BIRC6: variants seen among roughly 807,000 people sequenced by gnomAD.
BIRC6 encodes baculoviral IAP repeat containing 6, also known as dual E2 ubiquitin-conjugating enzyme/E3 ubiquitin-protein ligase BIRC6.
BIRC6 carries 98 observed loss-of-function variants against 503.3 expected under a neutral mutation model. The ratio of observed to expected loss-of-function variants is 0.19; its 90% CI spans 0.17 to 0.23. The LOEUF (loss-of-function observed/expected upper bound fraction) is 0.23. Ranked by LOEUF, BIRC6 falls within the 10% of genes least tolerant of loss-of-function variation. The pLI is 1.00. For synonymous variants in BIRC6, 2,240 were observed against 2,078.7 expected (o/e 1.08, Z -2.11); for missense variants, 5,360 against 5,806.0 (o/e 0.92, Z 2.50).
At chr2:32,369,938 AAAAAAAAAT>A (rs1360413689) in intron 1 of BIRC6, among the ~76,000 whole-genome samples, 2 of 54,058 alleles carry the variant, frequency 3.7e-5, no homozygotes, top group African/African-American at 9.9e-5. Context: ...AAAAAAAAAA[AAAAAAAAAT>A]ATATATATAT....
At position 32,468,075 on chromosome 2, in the gene BIRC6, C is replaced by T. The variant is rs767537921; in HGVS notation, c.5744C>T (p.Ala1915Val). Residue 1915 changes from alanine to valine, a missense_variant, in exon 28 of 74, where the codon GCA becomes GTA. This residue lies in a region of BIRC6 where 2,299 missense variants were observed against 2,267.2 expected (regional missense o/e 1.01). Coordinates refer to ENST00000421745, the MANE Select transcript of BIRC6 (RefSeq NM_016252.4). ...ANQPEIDQHL[A>V]MMVALQEDIQ... ...CAGCCAGAAATTGACCAGCATTTAG[C>T]AATGATGGTTGCTTTGCAGGAGGAT... 6.2e-7 allele frequency: 1 copy of T among 1,613,866 alleles called. No individual in the cohort carries two copies. Among genetic ancestry groups the T allele is most frequent in the South Asian group, 1.1e-5 (1 of 91,058 alleles).
intron 61 of BIRC6, among the ~76,000 whole-genome samples, chr2:32,535,439 G>A (rs141507803): frequency 3.7e-4 from 56 of 152,204 alleles, no homozygotes; most frequent in African/African-American, 1.3e-3. Context: ...GTCTCCTAAT[G>A]CTATCCGTCT....
At chr2:32,530,063 T>A (rs898520073) in intron 60 of BIRC6, among the ~76,000 whole-genome samples, 1 of 152,190 alleles carries the variant, frequency 6.6e-6, no homozygotes, top group Non-Finnish European at 1.5e-5. Context: ...CTGATATTTC[T>A]GTGAGAGCTA....
chr2:32,436,355 A>G (rs1453192829), intron 15 of BIRC6, among the ~76,000 whole-genome samples, 171 bp downstream of exon 15: 1 of 152,160 alleles, frequency 6.6e-6, no homozygotes, highest in East Asian at 1.9e-4. Flanking sequence ...AACTAACTGT[A>G]TGGTTATCTG....
intron 3 of BIRC6, among the ~76,000 whole-genome samples, chr2:32,386,912 C>T (rs77852047): frequency 0.034 from 5,115 of 152,052 alleles, 200 homozygotes; most frequent in African/African-American, 0.098. Flanking sequence ...TTTTCAGTTG[C>T]CTGTTTTATA....
At chr2:32,617,703 T>TTAG (rs1432599528) in intron 73 of BIRC6, 22 bp from the exon 74 acceptor site, 1 of 1,608,132 alleles carries the variant, frequency 6.2e-7, no homozygotes, top group East Asian at 2.2e-5. Context: ...AGTTCTAACA[T>TTAG]TAGTCCTTTT....
Position 32,485,758 on chromosome 2 carries a change from A to C in BIRC6, c.7812A>C (p.Thr2604=), listed in dbSNP as rs562860018. 15 of 1,576,730 alleles carry C rather than the reference A, an allele frequency of 9.5e-6. 1 individual carries two copies. Among genetic ancestry groups the C allele is most frequent in the African/African-American group, 8.1e-5 (6 of 74,252 alleles). ...ILQALTNTSP[T]LSQSPTGTDD... The stretch of plus-strand genomic sequence containing the variant: ...AGGCATTAACAAATACATCTCCTAC[A>C]TGTAAGTAAAATGACCATTTTTAGA... Residue 2604 remains threonine (T), a splice_region_variant and synonymous_variant, in exon 40 of 74, where the codon ACA becomes ACC. Coordinates refer to ENST00000421745, the MANE Select transcript of BIRC6 (RefSeq NM_016252.4).
chr2:32,543,219 C>A (rs80085571), intron 61 of BIRC6, 22 bp from the exon 62 acceptor site: 37,682 of 1,606,692 alleles, frequency 0.023, 622 homozygotes, highest in African/African-American at 0.075. Flanking sequence ...ATGGCCAAGC[C>A]AACACTTTTC....
chr2:32,462,025 T>C (rs750592454), intron 23 of BIRC6, among the ~76,000 whole-genome samples: 49 of 152,072 alleles, frequency 3.2e-4, no homozygotes, highest in Non-Finnish European at 6.2e-4. Flanking sequence ...CTCTGAGCCT[T>C]CTTTACTTAA....
chr2:32,482,148 A>G (rs1018027379), intron 38 of BIRC6, among the ~76,000 whole-genome samples: 4 of 152,162 alleles, frequency 2.6e-5, no homozygotes, highest in Non-Finnish European at 5.9e-5. Flanking sequence ...ATCACCTGTA[A>G]TAATTTATGG....
intron 20 of BIRC6, among the ~76,000 whole-genome samples, chr2:32,444,369 A>G (rs1423668186): frequency 6.6e-6 from 1 of 152,182 alleles, no homozygotes; most frequent in Admixed American, 6.5e-5. Flanking sequence ...TACCCCCTAT[A>G]TATGTGCAAT....
chr2:32,462,093 A>G (rs2048059220), intron 23 of BIRC6, among the ~76,000 whole-genome samples: 1 of 152,114 alleles, frequency 6.6e-6, no homozygotes. Context: ...TGCCTGGGCC[A>G]TAAAGTTGCC....
At chr2:32,525,771 C>T (rs1264684678) in intron 59 of BIRC6, 143 bp downstream of exon 59, 8 of 753,772 alleles carry the variant, frequency 1.1e-5, no homozygotes, top group Non-Finnish European at 1.5e-5. Context: ...CATACAGTTC[C>T]TCCGAAGAGA....
Position 32,549,475 on chromosome 2 carries a change from G to A in BIRC6, c.13138G>A (p.Asp4380Asn). The stretch of plus-strand genomic sequence containing the variant: ...AGCCATGTCATCTTATCTACGAAAT[G>A]ATTCAGGTAAATAATCCCTGTAAAT... The part of the protein sequence containing the change: ...IPAMSSYLRN[D>N]SVLDMARHVP... The change falls in exon 65 of 74, where the codon GAT (aspartate) becomes AAT (asparagine). Residue 4380 changes from aspartate (D) to asparagine (N), a missense_variant. This residue lies in a region of BIRC6 where 477 missense variants were observed against 574.4 expected (regional missense o/e 0.83). Coordinates refer to ENST00000421745, the MANE Select transcript of BIRC6 (RefSeq NM_016252.4). 1 of 1,437,114 alleles carries A rather than the reference G, an allele frequency of 7.0e-7. No homozygotes were observed. Among genetic ancestry groups the A allele is most frequent in the Non-Finnish European group, 9.3e-7 (1 of 1,073,778 alleles). 89.0% of individuals were successfully genotyped at this position (1,437,114 alleles called of 1,614,324 possible). A position where few individuals can be genotyped will look rare whatever the true frequency, so the allele number is the denominator to read the frequency against.
At chr2:32,535,478 G>A (rs577809031) in intron 61 of BIRC6, among the ~76,000 whole-genome samples, 4 of 151,896 alleles carry the variant, frequency 2.6e-5, no homozygotes, top group Non-Finnish European at 4.4e-5. Flanking sequence ...AACAGGCCCC[G>A]GTGTGTGATG....
At chr2:32,442,986 A>G (rs1466497618) in intron 19 of BIRC6, among the ~76,000 whole-genome samples, 1 of 152,174 alleles carries the variant, frequency 6.6e-6, no homozygotes, top group East Asian at 1.9e-4. Context: ...CTATATATAC[A>G]TACCTGCAAT....
At chr2:32,425,781 C>T (rs1393065165) in intron 10 of BIRC6, among the ~76,000 whole-genome samples, 1 of 152,168 alleles carries the variant, frequency 6.6e-6, no homozygotes. Context: ...AGGGTGAAAC[C>T]CAGGCAAGAG....
chr2:32,418,460 C>T (rs176411), intron 10 of BIRC6, among the ~76,000 whole-genome samples: 80,180 of 151,992 alleles, frequency 0.53, 21,492 homozygotes, highest in East Asian at 0.7. Flanking sequence ...TGGGAGTCTT[C>T]CATCAGAGCA....
chr2:32,599,290 T>C (rs1334249675), intron 69 of BIRC6, among the ~76,000 whole-genome samples: 10 of 144,942 alleles, frequency 6.9e-5, no homozygotes, highest in Non-Finnish European at 7.5e-5. Context: ...GATCACACCA[T>C]TGGACTCCAG....
Sources: allele counts gnomAD v4.1 joint callset (sites outside exome capture counted in the v4.1 genomes callset), GRCh38; gene constraint gnomAD v4.1.1; regional missense constraint gnomAD v4.1.1; transcripts MANE v1.5; gene names NCBI Gene and HGNC (gene_info 2026-07-23, HGNC 2026-07-21).